The following CNTN4 variants were observed in gnomAD, a reference collection of about 807,000 sequenced individuals.
CNTN4 encodes the protein contactin-4.
In CNTN4, 77 loss-of-function variants were observed where a neutral mutation model predicts 122.5. That is an observed-to-expected ratio of 0.63 (90% CI 0.52 to 0.76). The LOEUF (loss-of-function observed/expected upper bound fraction) is 0.76. Among genes scored for constraint, CNTN4 ranks in the 30% least tolerant of loss-of-function variants. CNTN4 has a pLI of 0.00. For missense variants in CNTN4, 1,256 were observed against 1,259.1 expected (o/e 1.00, Z 0.04); for synonymous variants, 512 against 447.0 (o/e 1.15, Z -1.83).
At chr3:2,834,278 GT>G (rs2093167469) in intron 7 of CNTN4, among the ~76,000 whole-genome samples, 2 of 152,046 alleles carry the variant, frequency 1.3e-5, no homozygotes, top group African/African-American at 4.8e-5. Flanking sequence ...AATCAAAGAA[GT>G]TGTGGCCAGG....
At chr3:2,356,088 C>T (rs1388316379) in intron 3 of CNTN4, among the ~76,000 whole-genome samples, 4 of 152,066 alleles carry the variant, frequency 2.6e-5, no homozygotes, top group Admixed American at 6.5e-5. Context: ...GTTTCCACTT[C>T]CTGTTGCTTA....
In CNTN4 at chr3:2,148,377, TA is replaced by T. The variant is rs796261700; in HGVS notation, c.-145+47750del. Among the ~76,000 whole-genome samples, 610 of 142,776 alleles carry T rather than the reference TA, an allele frequency of 4.3e-3. 3 individuals are homozygous for T. The highest frequency in any genetic ancestry group is 0.013 in the African/African-American group (496 of 38,778). The allele number at this position is 142,776 out of a possible 152,430, so 93.7% of individuals were successfully genotyped here. On this transcript the variant is annotated intron_variant, in intron 2 of 24. Transcript: ENST00000418658. ...AGGGGTACCCTGTCTCTACAGAAAA[TA>T]AAAAAAAAAAATTAGCCTTGGTGGT...
At chr3:2,135,347 G>A (rs1333574437) in intron 2 of CNTN4, among the ~76,000 whole-genome samples, 5 of 152,140 alleles carry the variant, frequency 3.3e-5, no homozygotes, top group Admixed American at 1.3e-4. Flanking sequence ...TGTAAAATAC[G>A]AGTACTATCT....
At chr3:2,200,195 G>C (rs909929725) in intron 2 of CNTN4, among the ~76,000 whole-genome samples, 1 of 152,132 alleles carries the variant, frequency 6.6e-6, no homozygotes, top group African/African-American at 2.4e-5. Flanking sequence ...TCTATGTGGT[G>C]GTAGTAGAGA....
chr3:2,456,693 C>G (rs1346750151), intron 3 of CNTN4, among the ~76,000 whole-genome samples: 1 of 152,110 alleles, frequency 6.6e-6, no homozygotes, highest in Non-Finnish European at 1.5e-5. Flanking sequence ...TAGCACCTGT[C>G]AGTATTTCCT....
At chr3:2,193,901 G>C (rs1160800468) in intron 2 of CNTN4, among the ~76,000 whole-genome samples, 1 of 152,168 alleles carries the variant, frequency 6.6e-6, no homozygotes, top group African/African-American at 2.4e-5. Context: ...TCTAGCCTAG[G>C]TGTGTAGTAG....
intron 3 of CNTN4, among the ~76,000 whole-genome samples, chr3:2,394,877 C>T (rs1430544469): frequency 2.0e-5 from 3 of 150,390 alleles, no homozygotes; most frequent in Non-Finnish European, 4.4e-5. Context: ...ACCTCTGCCT[C>T]CTGGGTTCAA....
intron 12 of CNTN4, among the ~76,000 whole-genome samples, chr3:2,920,206 ACTCT>A (rs751258601): frequency 5.3e-5 from 8 of 151,098 alleles, no homozygotes; most frequent in Non-Finnish European, 1.0e-4. Context: ...ACACACACAG[ACTCT>A]CTCTCACACA....
intron 2 of CNTN4, among the ~76,000 whole-genome samples, chr3:2,213,510 C>T (rs2038708125): frequency 6.6e-6 from 1 of 152,212 alleles, no homozygotes; most frequent in African/African-American, 2.4e-5. Flanking sequence ...ATGTGATCTA[C>T]ACCTGTACCT....
In CNTN4 at chr3:2,887,029, C is replaced by T. The variant is rs373167323; in HGVS notation, c.756-11C>T. The T allele has an allele frequency of 1.2e-6, 2 of 1,612,108 alleles. No homozygotes were observed. The highest frequency in any genetic ancestry group is 1.7e-6 in the Non-Finnish European group (2 of 1,178,898). ...CTAGTTTGATTCACTCCTTTTTATTCTTGCTATCAGTCCAGTACCAACTAT... is the reference window on the plus strand; with the variant it reads ...CTAGTTTGATTCACTCCTTTTTATTTTTGCTATCAGTCCAGTACCAACTAT... On this transcript the variant is annotated splice_polypyrimidine_tract_variant and intron_variant, in intron 9 of 24. Coordinates refer to ENST00000418658, the MANE Select transcript of CNTN4 (RefSeq NM_175607.3).
intron 7 of CNTN4, among the ~76,000 whole-genome samples, chr3:2,843,379 C>T (rs1053830640): frequency 6.6e-5 from 10 of 152,174 alleles, no homozygotes; most frequent in Admixed American, 3.9e-4. Context: ...AAACTCCCAT[C>T]GTAAGTGGCT....
intron 8 of CNTN4, among the ~76,000 whole-genome samples, chr3:2,873,422 C>T (rs2093808306): frequency 6.6e-6 from 1 of 152,226 alleles, no homozygotes; most frequent in Non-Finnish European, 1.5e-5. Flanking sequence ...TTTCAGGCCA[C>T]AGTGCGCCAT....
At chr3:2,779,497 T>C (rs956824904) in intron 6 of CNTN4, among the ~76,000 whole-genome samples, 1 of 152,136 alleles carries the variant, frequency 6.6e-6, no homozygotes, top group Admixed American at 6.5e-5. Flanking sequence ...CAGTTGGTTA[T>C]TACTTAGAAA....
chr3:2,626,446 G>A (rs557050518), intron 4 of CNTN4, among the ~76,000 whole-genome samples: 8 of 150,840 alleles, frequency 5.3e-5, no homozygotes, highest in South Asian at 2.1e-4. Flanking sequence ...GCAGTGAGCC[G>A]AGATCGCGCC....
intron 2 of CNTN4, among the ~76,000 whole-genome samples, chr3:2,179,582 G>A (rs2036918300): frequency 6.6e-6 from 1 of 152,044 alleles, no homozygotes; most frequent in South Asian, 2.1e-4. Flanking sequence ...ACCGCCATTA[G>A]CAATTTTATA....
At chr3:2,601,589 T>C (rs776802996) in intron 4 of CNTN4, among the ~76,000 whole-genome samples, 2 of 152,210 alleles carry the variant, frequency 1.3e-5, no homozygotes, top group Non-Finnish European at 2.9e-5. Flanking sequence ...ACCAGTACCA[T>C]GCTGTTTTGG....
chr3:2,239,199 T>C (rs1041099013), intron 2 of CNTN4: 1 of 152,214 alleles, frequency 6.6e-6, no homozygotes, highest in African/African-American at 2.4e-5. Context: ...ATTTTGGTAA[T>C]TCTGTGTTAA....
At chr3:2,188,172 C>T (rs2037363103) in intron 2 of CNTN4, among the ~76,000 whole-genome samples, 1 of 152,118 alleles carries the variant, frequency 6.6e-6, no homozygotes, top group South Asian at 2.1e-4. Context: ...TTCCTGGGTG[C>T]TTCAGTACAA....
intron 14 of CNTN4, among the ~76,000 whole-genome samples, chr3:3,019,990 GA>G (rs1553727660): frequency 2.0e-5 from 3 of 151,812 alleles, no homozygotes; most frequent in Non-Finnish European, 2.9e-5. Flanking sequence ...TTAAAATCAA[GA>G]AAAAAGTACA....
Sources: allele counts gnomAD v4.1 joint callset (sites outside exome capture counted in the v4.1 genomes callset), GRCh38; gene constraint gnomAD v4.1.1; transcripts MANE v1.5; gene names NCBI Gene and HGNC (gene_info 2026-07-23, HGNC 2026-07-21).